TRAPPC9: variants seen among roughly 807,000 people sequenced by gnomAD.
The protein encoded by TRAPPC9 is IKK2 binding protein.
In TRAPPC9, 83 loss-of-function variants were observed where a neutral mutation model predicts 124.0. The ratio of observed to expected loss-of-function variants is 0.67; its 90% CI spans 0.56 to 0.80. The LOEUF is 0.80. Ranked by LOEUF, TRAPPC9 falls within the 30% of genes least tolerant of loss-of-function variation. The pLI, the probability that TRAPPC9 is intolerant of heterozygous loss-of-function variation, is 0.00. For synonymous variants in TRAPPC9, 638 were observed against 617.5 expected (o/e 1.03, Z -0.49); for missense variants, 1,302 against 1,508.3 (o/e 0.86, Z 2.27).
At position 140,450,824 on chromosome 8, in the gene TRAPPC9, T is replaced by G; in HGVS notation, c.550A>C (p.Lys184Gln). 6.2e-7 allele frequency: 1 copy of G among 1,612,632 alleles called. No individual in the cohort carries two copies. The highest frequency in any genetic ancestry group is 8.5e-7 in the Non-Finnish European group (1 of 1,179,414). Residue 184 changes from lysine to glutamine, a missense_variant, in exon 2 of 23, where the codon AAA (lysine) becomes CAA (glutamine). Transcript: ENST00000438773. ...GTGTCCAGTCCTACAAAGTCCTTTTTCTCAAACGGGACACAGAGAAGGGGG... is the reference window on the plus strand; with the variant it reads ...GTGTCCAGTCCTACAAAGTCCTTTTGCTCAAACGGGACACAGAGAAGGGGG... ...KIPLLCVPFE[K>Q]KDFVGLDTDS...
intron 19 of TRAPPC9, among the ~76,000 whole-genome samples, chr8:139,911,842 G>A (rs1195715950): frequency 6.6e-6 from 1 of 151,934 alleles, no homozygotes; most frequent in East Asian, 1.9e-4. Flanking sequence ...GGGACCTGCT[G>A]TTAAGGGGAT....
At chr8:140,301,849 G>C (rs1475125976) in intron 10 of TRAPPC9, among the ~76,000 whole-genome samples, 1 of 152,142 alleles carries the variant, frequency 6.6e-6, no homozygotes, top group Non-Finnish European at 1.5e-5. Flanking sequence ...TGATCCTGGA[G>C]GCTGGACATT....
intron 17 of TRAPPC9, among the ~76,000 whole-genome samples, chr8:140,219,713 G>A (rs2063290422): frequency 6.6e-6 from 1 of 152,172 alleles, no homozygotes; most frequent in Non-Finnish European, 1.5e-5. Flanking sequence ...TCCATGTCAT[G>A]GGTCTGCTAC....
intron 17 of TRAPPC9, among the ~76,000 whole-genome samples, chr8:140,091,658 A>G (rs952390676): frequency 6.6e-6 from 1 of 152,222 alleles, no homozygotes; most frequent in Non-Finnish European, 1.5e-5. Context: ...AGTGATCTAG[A>G]TAACAGCAGA....
intron 21 of TRAPPC9, among the ~76,000 whole-genome samples, chr8:139,881,520 C>A (rs547980614): frequency 6.6e-6 from 1 of 152,242 alleles, no homozygotes; most frequent in South Asian, 2.1e-4. Context: ...AGCAAATAGA[C>A]CTGCTCTGGT....
intron 12 of TRAPPC9, 49 bp from the exon 13 acceptor site, chr8:140,287,783 GTGCT>G (rs2065534190): frequency 6.2e-7 from 1 of 1,612,580 alleles, no homozygotes; most frequent in Non-Finnish European, 8.5e-7. Context: ...CCTACTGTGT[GTGCT>G]CAGTTCCAAA....
chr8:140,086,169 G>A (rs1844173714), intron 17 of TRAPPC9, among the ~76,000 whole-genome samples: 1 of 152,142 alleles, frequency 6.6e-6, no homozygotes, highest in Non-Finnish European at 1.5e-5. Flanking sequence ...GAGCGGGTAT[G>A]GTGTGGGTGA....
intron 2 of TRAPPC9, among the ~76,000 whole-genome samples, chr8:140,448,013 C>T (rs142522813): frequency 0.011 from 1,747 of 151,984 alleles, 35 homozygotes; most frequent in African/African-American, 0.038. Context: ...AGTGTGGTGG[C>T]GCACGCCTGT....
At chr8:140,034,338 A>C (rs1435123363) in intron 17 of TRAPPC9, among the ~76,000 whole-genome samples, 1 of 151,948 alleles carries the variant, frequency 6.6e-6, no homozygotes, top group Non-Finnish European at 1.5e-5. Context: ...GATTTCCCTC[A>C]CCTCTCCACC....
chr8:140,125,587 C>CT (rs11292333), intron 17 of TRAPPC9, among the ~76,000 whole-genome samples: 3,553 of 67,772 alleles, frequency 0.052, 369 homozygotes, highest in African/African-American at 0.06. Flanking sequence ...GAATCTCATT[C>CT]TTTTTTTTTT....
intron 17 of TRAPPC9, among the ~76,000 whole-genome samples, chr8:140,090,768 G>C (rs900102358): frequency 1.3e-5 from 2 of 152,262 alleles, no homozygotes; most frequent in Admixed American, 6.5e-5. Flanking sequence ...GCCTGGCTCC[G>C]ATCTTGAGCT....
At chr8:140,172,719 A>C (rs1163937612) in intron 17 of TRAPPC9, among the ~76,000 whole-genome samples, 1 of 152,242 alleles carries the variant, frequency 6.6e-6, no homozygotes, top group Non-Finnish European at 1.5e-5. Context: ...TCCAGCACAC[A>C]GGAAGCAGCA....
At chr8:140,354,578 C>T (rs370263062) in intron 9 of TRAPPC9, among the ~76,000 whole-genome samples, 9 of 152,344 alleles carry the variant, frequency 5.9e-5, no homozygotes, top group African/African-American at 1.9e-4. Flanking sequence ...CTGCACATCA[C>T]CAGTCCAGCT....
intron 17 of TRAPPC9, among the ~76,000 whole-genome samples, chr8:140,193,622 GAAAAAAA>G (rs72383095): frequency 2.6e-5 from 2 of 77,334 alleles, no homozygotes; most frequent in African/African-American, 1.0e-4. Flanking sequence ...TGTACTTTCA[GAAAAAAA>G]AAAAAAAAAA....
rs1286907088 is a variant in TRAPPC9 at position 140,353,287 on chromosome 8, C to G, written c.1495+6763G>C. Among the ~76,000 whole-genome samples, 2 of 152,216 alleles carry G rather than the reference C, an allele frequency of 1.3e-5. No individual in the cohort carries two copies. The highest frequency in any genetic ancestry group is 6.5e-5 in the Admixed American group (1 of 15,282). ...ATAAGGCACATCCTTAACACAGGTT[C>G]ATTCACTGGCCCCCTCCCATCTCAT... On this transcript the variant is annotated intron_variant, in intron 9 of 22. Coordinates refer to ENST00000438773, the MANE Select transcript of TRAPPC9 (RefSeq NM_001160372.4). This position sits in a 1 kb window ranked among gnomAD's most constrained non-coding sequence, Gnocchi z 4.2.
chr8:140,301,615 G>A (rs2065978413), intron 10 of TRAPPC9, among the ~76,000 whole-genome samples: 1 of 152,230 alleles, frequency 6.6e-6, no homozygotes, highest in African/African-American at 2.4e-5. Context: ...AGACAGAAAG[G>A]ACAAGGAGCA....
chr8:139,734,429 G>A (rs1272366408), intron 21 of TRAPPC9, among the ~76,000 whole-genome samples: 1 of 152,180 alleles, frequency 6.6e-6, no homozygotes, highest in East Asian at 1.9e-4. Flanking sequence ...GTAAGTGACT[G>A]ATGCACACCT....
chr8:140,221,629 T>A, intron 16 of TRAPPC9, 46 bp from the exon 17 acceptor site: 1 of 1,582,862 alleles, frequency 6.3e-7, no homozygotes, highest in Non-Finnish European at 8.6e-7. Context: ...CAGCTTGGTT[T>A]TGGGGTTTGT....
chr8:140,252,538 A>G lies in TRAPPC9; in HGVS notation c.2431+239T>C, dbSNP rs551546216. The G allele has an allele frequency of 5.8e-6, 3 of 519,342 alleles. No homozygotes were observed. The highest frequency in any genetic ancestry group is 5.7e-5 in the African/African-American group (3 of 52,662). 32.2% of individuals were successfully genotyped at this position (519,342 alleles called of 1,614,324 possible). On this transcript the variant is annotated intron_variant, in intron 16 of 22. Coordinates refer to ENST00000438773, the MANE Select transcript of TRAPPC9 (RefSeq NM_001160372.4). The surrounding 1 kb of genome is among the most constrained non-coding windows in gnomAD (Gnocchi z 4.2). ...CTAATTTAGAATGACCTGCTGGTAAATGAGTACAAAATAATAAAGAGTGAG... is the reference window on the plus strand; with the variant it reads ...CTAATTTAGAATGACCTGCTGGTAAGTGAGTACAAAATAATAAAGAGTGAG...
Sources: allele counts gnomAD v4.1 joint callset (sites outside exome capture counted in the v4.1 genomes callset), GRCh38; gene constraint gnomAD v4.1.1; non-coding constraint Gnocchi (gnomAD v3.1); transcripts MANE v1.5; gene names NCBI Gene and HGNC (gene_info 2026-07-23, HGNC 2026-07-21).